Variants in SIRT7 observed in about 807,000 individuals in gnomAD.
SIRT7 encodes NAD-dependent protein deacetylase sirtuin-7.
A neutral mutation model predicts 42.8 loss-of-function variants in SIRT7; 32 were observed. That is an observed-to-expected ratio of 0.75 (90% CI 0.56 to 1.00). The LOEUF is 1.00. Among genes scored for constraint, SIRT7 ranks in the 50% least tolerant of loss-of-function variants. SIRT7 has a pLI of 0.00. For synonymous variants in SIRT7, 297 were observed against 245.2 expected (o/e 1.21, Z -1.97); for missense variants, 553 against 572.2 (o/e 0.97, Z 0.34).
chr17:81,916,925 T>A (rs1349841196), intron 3 of SIRT7: 1 of 152,060 alleles, frequency 6.6e-6, no homozygotes, highest in Non-Finnish European at 1.5e-5. Context: ...ATCTCACCCA[T>A]CCTTCAAGGC....
chr17:81,912,494 CG>C lies in SIRT7; in HGVS notation c.1124del (p.Pro375ArgfsTer8). The part of the protein sequence containing the change: ...EEAPPGDRGA[P>X]LSSAPILGGW... ...CCCCTAGGATGGGGGCCGAGCTAAG[CG>C]GTGCACCCCGGTCCCCAGGCGGGGC... On this transcript the variant is annotated frameshift_variant, in exon 10 of 10. Transcript: ENST00000328666. LOFTEE classifies it high-confidence loss of function. The C allele has an allele frequency of 6.2e-7, 1 of 1,613,852 alleles. No individual in the cohort carries two copies. Among genetic ancestry groups the C allele is most frequent in the Non-Finnish European group, 8.5e-7 (1 of 1,179,958 alleles).
intron 9 of SIRT7, chr17:81,912,898 G>A (rs770276586): frequency 1.6e-4 from 82 of 500,414 alleles, no homozygotes; most frequent in Non-Finnish European, 2.7e-4. Flanking sequence ...TGCACACACA[G>A]GGTGGGGCAG....
chr17:81,915,393 GCT>G (rs1567908984), intron 5 of SIRT7, 45 bp downstream of exon 5: 1 of 1,584,928 alleles, frequency 6.3e-7, no homozygotes, highest in South Asian at 1.1e-5. Context: ...GCACCAAGGT[GCT>G]CTGCCTGGTC....
intron 5 of SIRT7, chr17:81,915,084 C>A (rs2040770761): frequency 2.0e-6 from 1 of 488,636 alleles, no homozygotes; most frequent in African/African-American, 1.9e-5. Flanking sequence ...AACCACTACA[C>A]CCCATTGGTT....
Position 81,913,935 on chromosome 17 carries a change from C to T in SIRT7, c.898-55G>A, listed in dbSNP as rs1316837956. ...ACAGCAGCCCAACCCTTCCCGGTGGCCTGTCAGCCTTGGCCCCTACGGGCT... is the reference window on the plus strand; with the variant it reads ...ACAGCAGCCCAACCCTTCCCGGTGGTCTGTCAGCCTTGGCCCCTACGGGCT... On this transcript the variant is annotated intron_variant, in intron 8 of 9. Transcript: ENST00000328666. The surrounding 1 kb of genome is among the most constrained non-coding windows in gnomAD (Gnocchi z 5.0). 15 of 1,543,872 alleles carry T rather than the reference C, an allele frequency of 9.7e-6. No individual in the cohort carries two copies. The highest frequency in any genetic ancestry group is 9.7e-6 in the Non-Finnish European group (11 of 1,138,758).
rs2040831054 is a variant in SIRT7, at chr17:81,917,654, G to A, written c.297C>T (p.Ala99=). 1 of 1,608,254 alleles carries A rather than the reference G, an allele frequency of 6.2e-7. No homozygotes were observed. Among genetic ancestry groups the A allele is most frequent in the East Asian group, 2.3e-5 (1 of 44,358 alleles). Residue 99 remains alanine (A), a synonymous_variant, in exon 3 of 10, where the codon GCC becomes GCT. Transcript: ENST00000328666. The stretch of plus-strand genomic sequence containing the variant: ...CGCCTGTGTAGACGACCAAGTATTT[G>A]GCGTTCCGGACGGCGCTGGCCAGCT... ...VRELASAVRN[A]KYLVVYTGAG... is the part of the protein sequence containing the mutation.
In SIRT7 at chr17:81,918,145, A is replaced by G. The variant is rs751930196; in HGVS notation, c.-14T>C. 4 of 1,535,672 alleles carry G rather than the reference A, an allele frequency of 2.6e-6. No individual in the cohort carries two copies. The highest frequency in any genetic ancestry group is 3.5e-6 in the Non-Finnish European group (4 of 1,151,464). The stretch of plus-strand genomic sequence containing the variant: ...CCCGGCTGCCATCGCTCCCCTGGAG[A>G]CCTGCTCTTCCGCTTCCGCCTCACA... On this transcript the variant is annotated 5_prime_UTR_variant, in exon 1 of 10. Coordinates refer to ENST00000328666, the MANE Select transcript of SIRT7 (RefSeq NM_016538.3).
chr17:81,912,328 G>C lies in SIRT7; in HGVS notation c.*88C>G. The C allele has an allele frequency of 1.3e-6, 2 of 1,509,386 alleles. No homozygotes were observed. Among genetic ancestry groups the C allele is most frequent in the African/African-American group, 1.4e-5 (1 of 72,872 alleles). The allele number at this position is 1,509,386 out of a possible 1,614,324, so 93.5% of individuals were successfully genotyped here. On this transcript the variant is annotated 3_prime_UTR_variant, in exon 10 of 10. Coordinates refer to ENST00000328666, the MANE Select transcript of SIRT7 (RefSeq NM_016538.3). Reference sequence around the variant, plus strand: ...TGAAAATGTCATCCCCAAAGAGTTCGTTCTCCCTAGACCCGTGGGGGCAAC... The same window carrying C: ...TGAAAATGTCATCCCCAAAGAGTTCCTTCTCCCTAGACCCGTGGGGGCAAC...
Position 81,912,369 on chromosome 17 carries a change from A to G in SIRT7, c.*47T>C, listed in dbSNP as rs1269618086. 47 of 1,610,592 alleles carry G rather than the reference A, an allele frequency of 2.9e-5. No homozygotes were observed. Among genetic ancestry groups the G allele is most frequent in the Non-Finnish European group, 4.0e-5 (47 of 1,177,040 alleles). On this transcript the variant is annotated 3_prime_UTR_variant, in exon 10 of 10. Transcript: ENST00000328666. ...TGGGGGCAACCCAGCCTTCACCGTG[A>G]CACTGGCCATCTGCAAAGTGCCAAC...
chr17:81,914,671 C>T lies in SIRT7; in HGVS notation c.512G>A (p.Gly171Glu), dbSNP rs752792226. ...CGGCAGCCCACTCCTCAGGTGGAGCCCGTCACAGTTCTGAGACACCACATG... is the reference window on the plus strand; with the variant it reads ...CGGCAGCCCACTCCTCAGGTGGAGCTCGTCACAGTTCTGAGACACCACATG... ...VQHVVSQNCD[G>E]LHLRSGLPRT... The change falls in exon 6 of 10, where the codon GGG (glycine) becomes GAG (glutamate). Residue 171 changes from glycine to glutamate, a missense_variant. Coordinates refer to ENST00000328666, the MANE Select transcript of SIRT7 (RefSeq NM_016538.3). 1 of 1,612,960 alleles carries T rather than the reference C, an allele frequency of 6.2e-7. No homozygotes were observed. The highest frequency in any genetic ancestry group is 8.5e-7 in the Non-Finnish European group (1 of 1,180,012).
intron 5 of SIRT7, chr17:81,915,130 A>G (rs539397644): frequency 8.3e-5 from 43 of 520,058 alleles, no homozygotes; most frequent in African/African-American, 7.3e-4. Context: ...GAGATGTCCT[A>G]TAAGCCTCCC....
In SIRT7 at chr17:81,913,802, G is replaced by A. The variant is rs1451964912; in HGVS notation, c.976C>T (p.Leu326=). The change falls in exon 9 of 10, where the codon CTG becomes TTG. Residue 326 remains leucine (L), a synonymous_variant. Transcript: ENST00000328666. This position sits in a 1 kb window ranked among gnomAD's most constrained non-coding sequence, Gnocchi z 5.0. ...DDVMRLLMAE[L]GLEIPAYSRW... ...CTATAGGCGGGGATCTCCAAGCCCA[G>A]CTCGGCCATGAGGAGCCGCATGACG... is the stretch of plus-strand genomic sequence containing the variant. The A allele has an allele frequency of 1.3e-6, 2 of 1,548,886 alleles. No individual in the cohort carries two copies. Among genetic ancestry groups the A allele is most frequent in the Non-Finnish European group, 1.7e-6 (2 of 1,147,064 alleles).
chr17:81,917,194 T>C (rs1450874036), intron 3 of SIRT7: 1 of 156,576 alleles, frequency 6.4e-6, no homozygotes, highest in Admixed American at 6.5e-5. Context: ...CCAGCTACAC[T>C]TTCAAAGCTA....
At position 81,914,745 on chromosome 17, in the gene SIRT7, T is replaced by G. The variant is rs745690265; in HGVS notation, c.481-43A>C. The G allele has an allele frequency of 3.9e-6, 6 of 1,532,748 alleles. No homozygotes were observed. The East Asian group carries it at 1.3e-4, about 34-fold the overall frequency. 94.9% of individuals were successfully genotyped at this position (1,532,748 alleles called of 1,614,324 possible). Reference sequence around the variant, plus strand: ...TGGCAAGGGGAGGGATGGCTGCCAGTGGTGGTGGGGAGGTCAGTACCCGGC... The same window carrying G: ...TGGCAAGGGGAGGGATGGCTGCCAGGGGTGGTGGGGAGGTCAGTACCCGGC... On this transcript the variant is annotated intron_variant, in intron 5 of 9. Coordinates refer to ENST00000328666, the MANE Select transcript of SIRT7 (RefSeq NM_016538.3).
chr17:81,917,918 CCCT>C lies in SIRT7; in HGVS notation c.140_142del (p.Glu47del). On this transcript the variant is annotated inframe_deletion, in exon 2 of 10. Transcript: ENST00000328666. Reference sequence around the variant, plus strand: ...GTCCGCGCTCTCGGCCAGCAGCCGGCCCTCCTCGGCGCTGCGCTCCGCCGCCGC... The same window carrying C: ...GTCCGCGCTCTCGGCCAGCAGCCGGCCCTCGGCGCTGCGCTCCGCCGCCGC... 7.1e-7 allele frequency: 1 copy of C among 1,414,538 alleles called. No individual in the cohort carries two copies. Among genetic ancestry groups the C allele is most frequent in the Non-Finnish European group, 9.2e-7 (1 of 1,085,384 alleles). The allele number at this position is 1,414,538 out of a possible 1,614,324, so 87.6% of individuals were successfully genotyped here. A position where few individuals can be genotyped will look rare whatever the true frequency, so the allele number is the denominator to read the frequency against.
In SIRT7 at chr17:81,914,718, G is replaced by T; in HGVS notation, c.481-16C>A. 6.2e-7 allele frequency: 1 copy of T among 1,605,962 alleles called. No individual in the cohort carries two copies. The highest frequency in any genetic ancestry group is 8.5e-7 in the Non-Finnish European group (1 of 1,175,196). ...CATGCTGCACCTGGAAGGCAGAACG[G>T]GTGGCAAGGGGAGGGATGGCTGCCA... On this transcript the variant is annotated splice_polypyrimidine_tract_variant and intron_variant, in intron 5 of 9. Transcript: ENST00000328666.
intron 5 of SIRT7, 157 bp from the exon 6 acceptor site, chr17:81,914,859 C>G (rs2040764200): frequency 3.2e-6 from 2 of 629,320 alleles, no homozygotes; most frequent in South Asian, 3.6e-5. Context: ...GTAAAACACA[C>G]AACAGGTCCA....
At chr17:81,915,561 C>G (rs201333394) in intron 4 of SIRT7, 49 bp from the exon 5 acceptor site, 1 of 1,612,886 alleles carries the variant, frequency 6.2e-7, no homozygotes, top group African/African-American at 1.3e-5. Context: ...AGCTCAGGCC[C>G]GTGCTGCCGC....
chr17:81,918,113 T>A lies in SIRT7; in HGVS notation c.19A>T (p.Ser7Cys). Residue 7 changes from serine (S) to cysteine (C), a missense_variant, in exon 1 of 10, where the codon AGC becomes TGC. Physicochemically the swap from Ser to Cys is moderately radical, Grantham distance 112. Transcript: ENST00000328666. The part of the protein sequence containing the change: MAAGGL[S>C]RSERKAAERV... Reference sequence around the variant, plus strand: ...TCCGCCGCTTTGCGCTCGGAGCGGCTCAGACCCCCGGCTGCCATCGCTCCC... The same window carrying A: ...TCCGCCGCTTTGCGCTCGGAGCGGCACAGACCCCCGGCTGCCATCGCTCCC... 6.4e-7 allele frequency: 1 copy of A among 1,553,652 alleles called. No homozygotes were observed. The highest frequency in any genetic ancestry group is 8.6e-7 in the Non-Finnish European group (1 of 1,161,004).
Sources: gnomAD v4.1 joint callset for allele counts on GRCh38, gnomAD v4.1.1 for gene constraint, Gnocchi (gnomAD v3.1) non-coding constraint, MANE v1.5 for transcripts, NCBI Gene and HGNC (gene_info 2026-07-23, HGNC 2026-07-21) for gene names.